Variants in GOLGA4 observed in about 807,000 individuals in gnomAD.
GOLGA4 encodes golgin subfamily A member 4.
In GOLGA4, 169 loss-of-function variants were observed where a neutral mutation model predicts 265.9. The observed-to-expected ratio is 0.64, with a 90% CI of 0.56 to 0.72. The LOEUF (loss-of-function observed/expected upper bound fraction) is 0.72. Ranked by LOEUF, GOLGA4 falls within the 30% of genes least tolerant of loss-of-function variation. The pLI is 0.00. For missense variants in GOLGA4, 2,482 were observed against 2,483.4 expected, an observed-to-expected ratio of 1.00 and a Z score of 0.01; for synonymous variants, 923 against 855.8, an observed-to-expected ratio of 1.08 and a Z score of -1.37.
At chr3:37,248,905 T>A (rs1161907202) in intron 1 of GOLGA4, among the ~76,000 whole-genome samples, 1 of 152,198 alleles carries the variant, frequency 6.6e-6, no homozygotes, top group African/African-American at 2.4e-5. Context: ...TTTGGAAAGC[T>A]GAATTAATAA....
At chr3:37,315,365 T>G in intron 10 of GOLGA4, 55 bp from the exon 11 acceptor site, 1 of 1,456,694 alleles carries the variant, frequency 6.9e-7, no homozygotes, top group Non-Finnish European at 9.5e-7. Context: ...GTAAAACACT[T>G]TAGCTCAATG....
chr3:37,326,841 A>G lies in GOLGA4; in HGVS notation c.4955A>G (p.Lys1652Arg), dbSNP rs767800223. Reference protein sequence around the residue: ...RKAEQKIAAIKKQLLSQMEEK... With the variant: ...RKAEQKIAAIRKQLLSQMEEK... ...GCTGAACAAAAAATTGCTGCCATTA[A>G]GAAGCAGTTGTTATCTCAAATGGAA... The change falls in exon 14 of 24, where the codon AAG (lysine) becomes AGG (arginine). Residue 1652 changes from lysine to arginine, a missense_variant. Lys to Arg is a conservative substitution (Grantham distance 26). Transcript: ENST00000361924. 4.4e-5 allele frequency: 71 copies of G among 1,613,678 alleles called. No individual in the cohort carries two copies. The highest frequency in any genetic ancestry group is 5.3e-5 in the Non-Finnish European group (62 of 1,179,850).
intron 19 of GOLGA4, among the ~76,000 whole-genome samples, chr3:37,339,725 G>A (rs1298634603): frequency 6.6e-6 from 1 of 152,062 alleles, no homozygotes; most frequent in Admixed American, 6.5e-5. Flanking sequence ...CCATTTTTTA[G>A]TTGGATTGTC....
At chr3:37,360,150 TA>T (rs1381512173) in intron 22 of GOLGA4, among the ~76,000 whole-genome samples, 1 of 152,244 alleles carries the variant, frequency 6.6e-6, no homozygotes, top group Non-Finnish European at 1.5e-5. Flanking sequence ...TTTTATTTTA[TA>T]AAAATGAGAG....
rs867463100 is a variant in GOLGA4 at position 37,362,217 on chromosome 3, A to C, written c.*33+912A>C. 7.0e-3 allele frequency among the ~76,000 whole-genome samples: 1,026 copies of C among 145,922 alleles called. 17 individuals are homozygous for C. The highest frequency in any genetic ancestry group is 0.024 in the African/African-American group (959 of 39,678). ...TAAGCTTTTATTTATTTATTTATTT[A>C]TTTATTTATTTATTTATTTATTATT... is the stretch of plus-strand genomic sequence containing the variant. On this transcript the variant is annotated intron_variant, in intron 23 of 23. Transcript: ENST00000361924.
Position 37,326,778 on chromosome 3 carries a change from C to T in GOLGA4, c.4892C>T (p.Ser1631Leu), listed in dbSNP as rs2150970237. 1 of 1,613,574 alleles carries T rather than the reference C, an allele frequency of 6.2e-7. No homozygotes were observed. The highest frequency in any genetic ancestry group is 2.2e-5 in the East Asian group (1 of 44,852). Residue 1631 changes from serine to leucine, a missense_variant, in exon 14 of 24, where the codon TCA becomes TTA. Ser to Leu is a moderately radical substitution (Grantham distance 145, BLOSUM62 -2). This residue lies in a region of GOLGA4 where 942 missense variants were observed against 983.1 expected (regional missense o/e 0.96). Transcript: ENST00000361924. ...AAGGCATTGGAAGATAGGCTTGAGT[C>T]AGAAAGTGCTGCAAAATTAGCAGAG... ...ELKALEDRLE[S>L]ESAAKLAELK...
At chr3:37,276,048 A>T in intron 2 of GOLGA4, 1 of 1,612,752 alleles carries the variant, frequency 6.2e-7, no homozygotes, top group Non-Finnish European at 8.5e-7. Context: ...AGAAAGGATG[A>T]GACAAATGCT....
chr3:37,342,784 A>G (rs1043877087), intron 20 of GOLGA4, among the ~76,000 whole-genome samples: 1 of 152,246 alleles, frequency 6.6e-6, no homozygotes, highest in African/African-American at 2.4e-5. Flanking sequence ...ATTTTTGTGC[A>G]TATCCCATAT....
At chr3:37,248,390 C>T (rs2096725233) in intron 1 of GOLGA4, among the ~76,000 whole-genome samples, 2 of 152,308 alleles carry the variant, frequency 1.3e-5, no homozygotes, top group Admixed American at 6.5e-5. Flanking sequence ...TTTTGGTTAA[C>T]AGCTTAGAAA....
chr3:37,328,005 G>A (rs2096977557), intron 14 of GOLGA4, among the ~76,000 whole-genome samples, 180 bp downstream of exon 14: 1 of 152,058 alleles, frequency 6.6e-6, no homozygotes, highest in Non-Finnish European at 1.5e-5. Context: ...GCAAGTGGCA[G>A]TGTTATTCCA....
At position 37,366,312 on chromosome 3, in the gene GOLGA4, T is replaced by C. The variant is rs1696741275; in HGVS notation, c.*266T>C. On this transcript the variant is annotated 3_prime_UTR_variant, in exon 24 of 24. Transcript: ENST00000361924. ...TTCAGTTTTCTCTTGGGAAGAGTTT[T>C]ATGTTGTTTAAAAGATATTTTGATA... 4.6e-6 allele frequency: 2 copies of C among 430,956 alleles called. No individual in the cohort carries two copies. Among genetic ancestry groups the C allele is most frequent in the Non-Finnish European group, 4.1e-6 (1 of 245,146 alleles). 26.7% of individuals were successfully genotyped at this position (430,956 alleles called of 1,614,324 possible).
At chr3:37,260,550 C>T (rs1044914857) in intron 2 of GOLGA4, among the ~76,000 whole-genome samples, 9 of 151,658 alleles carry the variant, frequency 5.9e-5, no homozygotes, top group African/African-American at 1.7e-4. Context: ...GCGGGAGAAT[C>T]GCTTGAACCT....
intron 10 of GOLGA4, among the ~76,000 whole-genome samples, chr3:37,307,035 TG>T (rs1247869891): frequency 1.3e-5 from 2 of 152,198 alleles, no homozygotes; most frequent in Non-Finnish European, 2.9e-5. Flanking sequence ...CCCATTAAAA[TG>T]TTTTTTCCTA....
intron 10 of GOLGA4, among the ~76,000 whole-genome samples, chr3:37,302,539 C>T (rs1470180565): frequency 1.3e-5 from 2 of 152,230 alleles, no homozygotes; most frequent in Non-Finnish European, 2.9e-5. Context: ...TATTTATGTA[C>T]AGCCCTTAGG....
intron 3 of GOLGA4, 111 bp downstream of exon 3, chr3:37,282,383 A>C (rs1190183881): frequency 3.9e-6 from 3 of 761,694 alleles, no homozygotes; most frequent in Non-Finnish European, 6.5e-6. Context: ...TTCTCTGGAT[A>C]TATCCTGGTT....
chr3:37,349,885 A>C (rs1326469818), intron 21 of GOLGA4, among the ~76,000 whole-genome samples: 1 of 152,178 alleles, frequency 6.6e-6, no homozygotes, highest in Non-Finnish European at 1.5e-5. Flanking sequence ...TTTATGAGGC[A>C]GATGACTTTT....
chr3:37,346,628 A>G (rs971816857), intron 20 of GOLGA4, among the ~76,000 whole-genome samples: 1 of 152,172 alleles, frequency 6.6e-6, no homozygotes, highest in African/African-American at 2.4e-5. Context: ...ATCGACTCCT[A>G]CTGTACATAT....
chr3:37,294,322 A>C (rs2096872614), intron 5 of GOLGA4, among the ~76,000 whole-genome samples: 1 of 152,140 alleles, frequency 6.6e-6, no homozygotes, highest in African/African-American at 2.4e-5. Context: ...GTGTTAGATC[A>C]GATGAATATA....
At chr3:37,315,347 A>T in intron 10 of GOLGA4, 73 bp from the exon 11 acceptor site, 4 of 1,313,584 alleles carry the variant, frequency 3.0e-6, no homozygotes, top group Non-Finnish European at 4.2e-6. Flanking sequence ...AGTTCTCAAA[A>T]ATTGAATGTA....
Sources: allele counts gnomAD v4.1 joint callset (sites outside exome capture counted in the v4.1 genomes callset), GRCh38; gene constraint gnomAD v4.1.1; regional missense constraint gnomAD v4.1.1; transcripts MANE v1.5; gene names NCBI Gene and HGNC (gene_info 2026-07-23, HGNC 2026-07-21).